Variants in NBEA observed in about 807,000 individuals in gnomAD.
NBEA encodes the protein neurobeachin.
Under a neutral mutation model 343.4 loss-of-function variants are expected in NBEA, and 44 were observed. That is an observed-to-expected ratio of 0.13 (90% CI 0.10 to 0.16). The LOEUF is 0.16. Ranked by LOEUF, NBEA falls within the 10% of genes least tolerant of loss-of-function variation. The pLI is 1.00. For synonymous variants in NBEA, 1,175 were observed against 1,238.7 expected, an observed-to-expected ratio of 0.95 and a Z score of 1.08; for missense variants, 2,555 against 3,631.3, an observed-to-expected ratio of 0.70 and a Z score of 7.62.
At chr13:35,613,829 G>C (rs2082623700) in intron 48 of NBEA, among the ~76,000 whole-genome samples, 1 of 152,020 alleles carries the variant, frequency 6.6e-6, no homozygotes, top group Admixed American at 6.6e-5. Flanking sequence ...TTGAACTCTT[G>C]GGCTCAAGTA....
At chr13:34,978,051 C>T (rs2060238630) in intron 1 of NBEA, among the ~76,000 whole-genome samples, 1 of 152,214 alleles carries the variant, frequency 6.6e-6, no homozygotes, top group African/African-American at 2.4e-5. Context: ...AAGTGATCCT[C>T]CTGCCTTGGC....
At chr13:35,085,171 C>G (rs1293932724) in intron 10 of NBEA, among the ~76,000 whole-genome samples, 1 of 152,124 alleles carries the variant, frequency 6.6e-6, no homozygotes, top group African/African-American at 2.4e-5. Context: ...GGAGCTGGTA[C>G]CATTCCTTCT....
At chr13:35,024,184 A>G (rs1156991627) in intron 1 of NBEA, among the ~76,000 whole-genome samples, 3 of 151,898 alleles carry the variant, frequency 2.0e-5, no homozygotes, top group Non-Finnish European at 4.4e-5. Flanking sequence ...TTTTTTTGTT[A>G]TGGCTGCATA....
intron 40 of NBEA, among the ~76,000 whole-genome samples, chr13:35,471,328 G>A (rs1255580275): frequency 6.6e-6 from 1 of 152,202 alleles, no homozygotes; most frequent in African/African-American, 2.4e-5. Context: ...CCGGAGGGCC[G>A]AGGCCTAGCG....
intron 1 of NBEA, among the ~76,000 whole-genome samples, chr13:34,950,297 C>T (rs2059309970): frequency 6.6e-6 from 1 of 152,138 alleles, no homozygotes; most frequent in South Asian, 2.1e-4. Flanking sequence ...TGATTGCAGT[C>T]TGCACCATGA....
At chr13:35,419,328 C>T (rs575561505) in intron 38 of NBEA, among the ~76,000 whole-genome samples, 2 of 152,132 alleles carry the variant, frequency 1.3e-5, no homozygotes, top group Admixed American at 6.6e-5. Context: ...CTCCCTGTGT[C>T]CTCACATGAT....
At chr13:35,297,497 A>C (rs901291231) in intron 35 of NBEA, among the ~76,000 whole-genome samples, 1 of 152,054 alleles carries the variant, frequency 6.6e-6, no homozygotes, top group Admixed American at 6.6e-5. Context: ...AGTATTGTAT[A>C]GTCTCAATAT....
intron 10 of NBEA, among the ~76,000 whole-genome samples, chr13:35,081,469 T>G (rs1011952846): frequency 6.6e-6 from 1 of 152,068 alleles, no homozygotes; most frequent in Non-Finnish European, 1.5e-5. Flanking sequence ...TGAACTTTTT[T>G]TCATAGAAAC....
intron 13 of NBEA, among the ~76,000 whole-genome samples, chr13:35,112,946 T>C (rs1045495214): frequency 2.4e-4 from 37 of 152,160 alleles, no homozygotes; most frequent in Admixed American, 7.2e-4. Context: ...GATACTATCA[T>C]CTAATTCAGA....
intron 48 of NBEA, among the ~76,000 whole-genome samples, chr13:35,619,096 A>T (rs1315940496): frequency 6.6e-6 from 1 of 151,474 alleles, no homozygotes; most frequent in African/African-American, 2.4e-5. Flanking sequence ...ATGCAAATGT[A>T]AAAATTTGCA....
chr13:35,456,619 A>C (rs571182665), intron 40 of NBEA, among the ~76,000 whole-genome samples: 1 of 152,160 alleles, frequency 6.6e-6, no homozygotes, highest in East Asian at 1.9e-4. Flanking sequence ...TGTTTCTTCA[A>C]ATAACTATTG....
At chr13:35,079,149 A>C (rs1484176503) in intron 10 of NBEA, among the ~76,000 whole-genome samples, 1 of 152,208 alleles carries the variant, frequency 6.6e-6, no homozygotes, top group African/African-American at 2.4e-5. Context: ...AGACAATACT[A>C]TCAGAATTTA....
intron 38 of NBEA, among the ~76,000 whole-genome samples, chr13:35,430,420 G>T (rs1337408143): frequency 6.6e-6 from 1 of 151,944 alleles, no homozygotes; most frequent in Non-Finnish European, 1.5e-5. Flanking sequence ...TATTTCTTTT[G>T]CTGTGCAAAA....
At chr13:35,246,676 C>A (rs1479664964) in intron 34 of NBEA, among the ~76,000 whole-genome samples, 1 of 152,168 alleles carries the variant, frequency 6.6e-6, no homozygotes, top group African/African-American at 2.4e-5. Flanking sequence ...AGCACCTGCT[C>A]CAATGAAGGT....
chr13:35,569,265 T>C (rs1376597767), intron 45 of NBEA, among the ~76,000 whole-genome samples: 2 of 152,166 alleles, frequency 1.3e-5, no homozygotes, highest in Admixed American at 6.5e-5. Context: ...AACTAACTTA[T>C]TGATGTGAGG....
At chr13:35,328,290 T>C (rs2038706788) in intron 36 of NBEA, among the ~76,000 whole-genome samples, 1 of 151,784 alleles carries the variant, frequency 6.6e-6, no homozygotes, top group Admixed American at 6.6e-5. Flanking sequence ...TAGGAAGCAC[T>C]TAGGGGTATA....
At chr13:35,532,878 A>G (rs545732218) in intron 41 of NBEA, among the ~76,000 whole-genome samples, 2 of 152,076 alleles carry the variant, frequency 1.3e-5, no homozygotes, top group Non-Finnish European at 2.9e-5. Context: ...CTAAGGCACT[A>G]GTAATTTGTT....
chr13:35,001,763 T>A (rs749519600), intron 1 of NBEA, among the ~76,000 whole-genome samples: 2 of 152,142 alleles, frequency 1.3e-5, no homozygotes, highest in Admixed American at 6.6e-5. Context: ...GTAGGGTGAC[T>A]ATTGTTAACA....
At chr13:35,336,748 T>G (rs2039288825) in intron 36 of NBEA, among the ~76,000 whole-genome samples, 1 of 152,124 alleles carries the variant, frequency 6.6e-6, no homozygotes, top group African/African-American at 2.4e-5. Context: ...GCCATTATCC[T>G]AAGCAAACTA....
Sources: allele counts gnomAD v4.1 joint callset (sites outside exome capture counted in the v4.1 genomes callset), GRCh38; gene constraint gnomAD v4.1.1; transcripts MANE v1.5; gene names NCBI Gene and HGNC (gene_info 2026-07-23, HGNC 2026-07-21).